SNTG1: variants seen among roughly 807,000 people sequenced by gnomAD.
The protein encoded by SNTG1 is gamma-1-syntrophin.
Under a neutral mutation model 74.7 loss-of-function variants are expected in SNTG1, and 39 were observed. The ratio of observed to expected loss-of-function variants is 0.52; its 90% CI spans 0.40 to 0.68. SNTG1 has a LOEUF of 0.68. Ranked by LOEUF, SNTG1 falls within the 30% of genes least tolerant of loss-of-function variation. The pLI, the probability that SNTG1 is intolerant of heterozygous loss-of-function variation, is 0.00. For synonymous variants in SNTG1, 254 were observed against 217.1 expected (o/e 1.17, Z -1.49); for missense variants, 685 against 609.5 (o/e 1.12, Z -1.30).
intron 2 of SNTG1, among the ~76,000 whole-genome samples, chr8:50,356,836 T>C (rs78966683): frequency 0.059 from 8,975 of 152,268 alleles, 300 homozygotes; most frequent in Non-Finnish European, 0.071. Flanking sequence ...TTTATCTTCA[T>C]AATGTAGAAA....
intron 2 of SNTG1, among the ~76,000 whole-genome samples, chr8:50,384,197 T>A (rs1012711684): frequency 1.3e-5 from 2 of 152,146 alleles, no homozygotes; most frequent in Non-Finnish European, 2.9e-5. Flanking sequence ...ATGCCATAAC[T>A]GTTTTCAAAA....
chr8:50,787,613 A>G (rs1280475306), intron 18 of SNTG1, among the ~76,000 whole-genome samples: 1 of 152,082 alleles, frequency 6.6e-6, no homozygotes, highest in Non-Finnish European at 1.5e-5. Context: ...AATGTTCAAC[A>G]GGTGATGAAT....
intron 1 of SNTG1, among the ~76,000 whole-genome samples, chr8:50,036,660 T>C (rs1818194061): frequency 1.3e-5 from 2 of 152,202 alleles, no homozygotes; most frequent in Non-Finnish European, 2.9e-5. Flanking sequence ...CAATAATACG[T>C]GTCAAATGAA....
At chr8:50,590,415 G>A (rs1678605512) in intron 12 of SNTG1, among the ~76,000 whole-genome samples, 1 of 152,016 alleles carries the variant, frequency 6.6e-6, no homozygotes, top group African/African-American at 2.4e-5. Flanking sequence ...TAAAGTAAAT[G>A]TTAGACTCTA....
intron 15 of SNTG1, among the ~76,000 whole-genome samples, chr8:50,696,676 A>G (rs1435143746): frequency 2.0e-5 from 3 of 152,094 alleles, no homozygotes; most frequent in Non-Finnish European, 2.9e-5. Context: ...TCCTAGCACC[A>G]TTTATGAAAT....
chr8:50,022,766 C>T (rs918332998), intron 1 of SNTG1, among the ~76,000 whole-genome samples: 1 of 152,082 alleles, frequency 6.6e-6, no homozygotes, highest in Non-Finnish European at 1.5e-5. Flanking sequence ...GCCTCTGTTC[C>T]CACTGGGCTC....
intron 2 of SNTG1, among the ~76,000 whole-genome samples, chr8:50,328,579 G>A (rs993997392): frequency 1.3e-5 from 2 of 152,140 alleles, no homozygotes; most frequent in Admixed American, 6.5e-5. Context: ...AAAACCATCA[G>A]ATCTCATGAG....
chr8:50,047,716 A>T (rs1012262389), intron 1 of SNTG1, among the ~76,000 whole-genome samples: 2 of 152,186 alleles, frequency 1.3e-5, no homozygotes, highest in Non-Finnish European at 2.9e-5. Context: ...AGTAAGGTGA[A>T]GGGAAAGCTT....
At chr8:50,416,511 C>T (rs748159596) in intron 4 of SNTG1, among the ~76,000 whole-genome samples, 1 of 151,930 alleles carries the variant, frequency 6.6e-6, no homozygotes, top group Non-Finnish European at 1.5e-5. Context: ...TATTTTTCTT[C>T]TTTATGGTTT....
chr8:50,135,916 C>T (rs1254122063), intron 1 of SNTG1, among the ~76,000 whole-genome samples: 2 of 152,172 alleles, frequency 1.3e-5, no homozygotes. Flanking sequence ...CCTCCTCCCT[C>T]AAGTAGGTCC....
intron 18 of SNTG1, among the ~76,000 whole-genome samples, chr8:50,782,090 G>C (rs955642068): frequency 2.6e-5 from 4 of 152,202 alleles, no homozygotes; most frequent in African/African-American, 9.6e-5. Context: ...AGTCGGATGG[G>C]CTTCCCTTTG....
At chr8:50,009,624 A>G (rs972461843) in intron 1 of SNTG1, among the ~76,000 whole-genome samples, 8 of 152,170 alleles carry the variant, frequency 5.3e-5, no homozygotes, top group South Asian at 2.1e-4. Flanking sequence ...ATTGTTGCCA[A>G]TCTTCCAAAA....
At chr8:50,125,824 G>A (rs766312396) in intron 1 of SNTG1, among the ~76,000 whole-genome samples, 4 of 152,252 alleles carry the variant, frequency 2.6e-5, no homozygotes, top group East Asian at 1.9e-4. Context: ...AATGCTGATC[G>A]TATGGCATGC....
intron 1 of SNTG1, among the ~76,000 whole-genome samples, chr8:50,117,035 A>T (rs1016944470): frequency 3.3e-5 from 5 of 152,274 alleles, no homozygotes; most frequent in Middle Eastern, 3.4e-3. Flanking sequence ...GGCATGAAAC[A>T]ACATGACGAA....
chr8:50,451,652 T>G (rs2093458916), intron 8 of SNTG1, among the ~76,000 whole-genome samples: 1 of 152,174 alleles, frequency 6.6e-6, no homozygotes. Flanking sequence ...TCAGCCAGTT[T>G]GGGAGGGCCC....
At chr8:49,988,260 T>A (rs1440256654) in intron 1 of SNTG1, among the ~76,000 whole-genome samples, 1 of 152,090 alleles carries the variant, frequency 6.6e-6, no homozygotes, top group African/African-American at 2.4e-5. Flanking sequence ...AACAAAAAAA[T>A]TAGGACACAA....
chr8:50,202,628 G>A (rs1048361519), intron 2 of SNTG1, among the ~76,000 whole-genome samples: 12 of 151,800 alleles, frequency 7.9e-5, no homozygotes, highest in African/African-American at 2.9e-4. Flanking sequence ...TCCAATTTTT[G>A]GCAGCAGAGA....
At chr8:50,014,075 G>A (rs1816081594) in intron 1 of SNTG1, among the ~76,000 whole-genome samples, 1 of 152,078 alleles carries the variant, frequency 6.6e-6, no homozygotes, top group Non-Finnish European at 1.5e-5. Context: ...ATGACAGCAG[G>A]CCCGGTGATG....
At position 50,764,293 on chromosome 8, in the gene SNTG1, G is replaced by A. The variant is rs193227148; in HGVS notation, c.1395+12182G>A. On this transcript the variant is annotated intron_variant, in intron 18 of 18. Coordinates refer to ENST00000642720, the MANE Select transcript of SNTG1 (RefSeq NM_018967.5). ...AAACAGGATTATATCAAACTCTAAA[G>A]CTTCCTCACAGCAAAGAAAATGAAC... 4.3e-3 allele frequency among the ~76,000 whole-genome samples: 660 copies of A among 151,922 alleles called. 3 individuals are homozygous for A. Among genetic ancestry groups the A allele is most frequent in the African/African-American group, 0.013 (531 of 41,500 alleles).
Sources: gnomAD v4.1 joint callset for allele counts (sites outside exome capture counted in the v4.1 genomes callset) on GRCh38, gnomAD v4.1.1 for gene constraint, MANE v1.5 for transcripts, NCBI Gene and HGNC (gene_info 2026-07-23, HGNC 2026-07-21) for gene names.